Variants in C12orf75 observed in about 807,000 individuals in gnomAD.
C12orf75 encodes the protein chromosome 12 open reading frame 75.
In C12orf75, 4 loss-of-function variants were observed where a neutral mutation model predicts 11.4. The ratio of observed to expected loss-of-function variants is 0.35; its 90% confidence interval spans 0.17 to 0.80. The LOEUF (loss-of-function observed/expected upper bound fraction) is 0.80, where lower values mean the gene tolerates loss of function less well. C12orf75 is among the 30% of genes least tolerant of loss of function. The probability of loss-of-function intolerance (pLI) is 0.52; values close to 1 mark genes in which losing one functional copy is unlikely to be tolerated. For synonymous variants in C12orf75, 30 were observed against 30.0 expected (o/e 1.00, Z 0.00); for missense variants, 89 against 80.4 (o/e 1.11, Z -0.41).
intron 1 of C12orf75, among the ~76,000 whole-genome samples, chr12:105,335,736 C>A (rs757877152): frequency 3.3e-5 from 5 of 152,110 alleles, no homozygotes; most frequent in Non-Finnish European, 5.9e-5. Context: ...ATGTTTATTT[C>A]TTGTCTCCTT....
intron 2 of C12orf75, among the ~76,000 whole-genome samples, chr12:105,349,462 A>G (rs957633629): frequency 3.9e-5 from 6 of 152,174 alleles, no homozygotes; most frequent in Admixed American, 3.3e-4. Flanking sequence ...CTACTTATGA[A>G]TGGGCAGAGG....
intron 1 of C12orf75, among the ~76,000 whole-genome samples, chr12:105,345,155 ACT>A (rs1892622533): frequency 6.6e-6 from 1 of 151,982 alleles, no homozygotes; most frequent in Admixed American, 6.6e-5. Flanking sequence ...GACAAAGCAG[ACT>A]CTTTGTAGCA....
intron 1 of C12orf75, among the ~76,000 whole-genome samples, chr12:105,344,805 C>A (rs1384661350): frequency 3.3e-5 from 5 of 151,778 alleles, no homozygotes; most frequent in African/African-American, 1.2e-4. Context: ...TTGTTTTCTT[C>A]CCTCTGTAAG....
chr12:105,355,080 C>T (rs543132446), intron 2 of C12orf75, among the ~76,000 whole-genome samples: 67 of 151,022 alleles, frequency 4.4e-4, no homozygotes, highest in Non-Finnish European at 7.1e-4. Flanking sequence ...AGTATGTTAG[C>T]GGAGCAGCAC....
At chr12:105,338,153 A>G (rs900794188) in intron 1 of C12orf75, among the ~76,000 whole-genome samples, 2 of 152,158 alleles carry the variant, frequency 1.3e-5, no homozygotes, top group Admixed American at 1.3e-4. Flanking sequence ...TACTTCTTAT[A>G]TGGCTGCATT....
At position 105,330,709 on chromosome 12, in the gene C12orf75, C is replaced by G. The variant is rs898745351; in HGVS notation, c.-183C>G. ...GCCGGGTGGTTTCCGCCCGGCAGCC[C>G]GCAGCCCGCTGCGCCCCGGGCCGCG... On this transcript the variant is annotated 5_prime_UTR_variant, in exon 1 of 6. Transcript: ENST00000443585. 8.0e-5 allele frequency: 37 copies of G among 463,084 alleles called. No individual in the cohort carries two copies. The highest frequency in any genetic ancestry group is 5.6e-4 in the African/African-American group (27 of 47,830). The allele number at this position is 463,084 out of a possible 1,614,324, so 28.7% of individuals were successfully genotyped here.
intron 2 of C12orf75, among the ~76,000 whole-genome samples, chr12:105,350,848 T>C (rs1288885766): frequency 6.6e-6 from 1 of 152,176 alleles, no homozygotes; most frequent in Non-Finnish European, 1.5e-5. Context: ...TCTAATAAAA[T>C]TTAGTGATGA....
In C12orf75 at chr12:105,359,773, G is replaced by GAA. The variant is rs34188320; in HGVS notation, c.72-6016_72-6015dup. Among the ~76,000 whole-genome samples, 105 of 83,212 alleles carry GAA rather than the reference G, an allele frequency of 1.3e-3. 2 individuals are homozygous for GAA. Among genetic ancestry groups the GAA allele is most frequent in the Non-Finnish European group, 1.2e-3 (49 of 41,774 alleles). 54.6% of individuals were successfully genotyped at this position (83,212 alleles called of 152,430 possible). ...GCAAAAGAGCCAGACTCCTTCTCCAGAAAAAAAAAAAAAAAAAAAGATTAC... is the reference window on the plus strand; with the variant it reads ...GCAAAAGAGCCAGACTCCTTCTCCAGAAAAAAAAAAAAAAAAAAAAAGATTAC... On this transcript the variant is annotated intron_variant, in intron 2 of 5. Transcript: ENST00000443585.
At chr12:105,358,232 A>G (rs1024064398) in intron 2 of C12orf75, among the ~76,000 whole-genome samples, 2 of 152,140 alleles carry the variant, frequency 1.3e-5, no homozygotes, top group Admixed American at 6.5e-5. Context: ...AAAAGGTTTT[A>G]TAGCTGGGCA....
At chr12:105,349,743 G>A (rs1020917115) in intron 2 of C12orf75, among the ~76,000 whole-genome samples, 4 of 152,116 alleles carry the variant, frequency 2.6e-5, no homozygotes, top group African/African-American at 9.7e-5. Context: ...CAGGCATGGT[G>A]GTGGGCCCCT....
chr12:105,354,099 G>A (rs1358395634), intron 2 of C12orf75, among the ~76,000 whole-genome samples: 1 of 152,154 alleles, frequency 6.6e-6, no homozygotes, highest in Non-Finnish European at 1.5e-5. Context: ...GGTATCTGAT[G>A]GGCTCTTTTC....
chr12:105,348,765 G>A (rs2136145228), intron 2 of C12orf75, 139 bp downstream of exon 2: 1 of 510,446 alleles, frequency 2.0e-6, no homozygotes, highest in African/African-American at 2.0e-5. Context: ...ATGTCAAGAT[G>A]ATCGTTGTAA....
intron 2 of C12orf75, among the ~76,000 whole-genome samples, chr12:105,356,609 G>C (rs1031622226): frequency 1.3e-5 from 2 of 152,166 alleles, no homozygotes; most frequent in African/African-American, 4.8e-5. Flanking sequence ...TTTCAGGTAA[G>C]TTGTAGCAAG....
chr12:105,334,104 G>A (rs1378549233), intron 1 of C12orf75, among the ~76,000 whole-genome samples: 1 of 152,192 alleles, frequency 6.6e-6, no homozygotes, highest in Non-Finnish European at 1.5e-5. Context: ...GGGTCAAGTG[G>A]CCATAAGGAG....
At chr12:105,332,894 G>A (rs1482836264) in intron 1 of C12orf75, among the ~76,000 whole-genome samples, 1 of 149,566 alleles carries the variant, frequency 6.7e-6, no homozygotes, top group Non-Finnish European at 1.5e-5. Context: ...TTTTCCCTAG[G>A]AGCATCTCTC....
intron 1 of C12orf75, among the ~76,000 whole-genome samples, chr12:105,334,791 G>A (rs1892480246): frequency 6.6e-6 from 1 of 152,166 alleles, no homozygotes. Flanking sequence ...GACCAACCTT[G>A]CATTCTGAGT....
intron 5 of C12orf75, among the ~76,000 whole-genome samples, chr12:105,368,080 A>G (rs908081467): frequency 3.3e-5 from 5 of 152,222 alleles, no homozygotes; most frequent in Admixed American, 1.3e-4. Context: ...AAACACGTTC[A>G]GTATGGACAT....
chr12:105,371,164 CA>C lies in C12orf75; in HGVS notation c.*567del, dbSNP rs1462556394. The C allele has an allele frequency of 1.3e-5, 2 of 153,052 alleles. No homozygotes were observed. The highest frequency in any genetic ancestry group is 2.9e-5 in the Non-Finnish European group (2 of 68,606). 9.5% of individuals were successfully genotyped at this position (153,052 alleles called of 1,614,324 possible). A position where few individuals can be genotyped will look rare whatever the true frequency, so the allele number is the denominator to read the frequency against. ...TTTCCATTTCTTACTATTTGGTTTTCAAATTTCATTTAAATGTCAGAATTTC... is the reference window on the plus strand; with the variant it reads ...TTTCCATTTCTTACTATTTGGTTTTCAATTTCATTTAAATGTCAGAATTTC... On this transcript the variant is annotated 3_prime_UTR_variant, in exon 6 of 6. Coordinates refer to ENST00000443585, the MANE Select transcript of C12orf75 (RefSeq NM_001145199.2).
intron 2 of C12orf75, among the ~76,000 whole-genome samples, chr12:105,363,698 C>T (rs987081125): frequency 3.3e-5 from 5 of 149,658 alleles, no homozygotes; most frequent in Non-Finnish European, 7.4e-5. Flanking sequence ...GCACTCCAGG[C>T]TGGTGACAGA....
Sources: allele counts gnomAD v4.1 joint callset (sites outside exome capture counted in the v4.1 genomes callset), GRCh38; gene constraint gnomAD v4.1.1; transcripts MANE v1.5; gene names NCBI Gene and HGNC (gene_info 2026-07-23, HGNC 2026-07-21).